NRXN1: variants seen among roughly 807,000 people sequenced by gnomAD.
NRXN1 encodes the protein neurexin-1.
A neutral mutation model predicts 150.9 loss-of-function variants in NRXN1; 39 were observed. The ratio of observed to expected loss-of-function variants is 0.26; its 90% confidence interval spans 0.20 to 0.34. The LOEUF (loss-of-function observed/expected upper bound fraction) is 0.34, where lower values mean the gene tolerates loss of function less well. Ranked by LOEUF, NRXN1 falls within the 10% of genes least tolerant of loss-of-function variation. The pLI is 1.00. For synonymous variants in NRXN1, 924 were observed against 757.0 expected, an observed-to-expected ratio of 1.22 and a Z score of -3.62; for missense variants, 1,815 against 1,949.9, an observed-to-expected ratio of 0.93 and a Z score of 1.30.
At chr2:50,738,818 A>C (rs1699078526) in intron 5 of NRXN1, among the ~76,000 whole-genome samples, 1 of 152,172 alleles carries the variant, frequency 6.6e-6, no homozygotes, top group Non-Finnish European at 1.5e-5. Flanking sequence ...ACGATGTTAA[A>C]AGGCAAGAAC....
intron 17 of NRXN1, among the ~76,000 whole-genome samples, chr2:50,278,342 A>G (rs2070934113): frequency 7.2e-6 from 1 of 138,730 alleles, no homozygotes; most frequent in Non-Finnish European, 1.5e-5. Context: ...TTTAGTAGAG[A>G]TGGGGTTTCA....
At chr2:50,837,801 T>C (rs1672318309) in intron 5 of NRXN1, among the ~76,000 whole-genome samples, 1 of 152,082 alleles carries the variant, frequency 6.6e-6, no homozygotes, top group African/African-American at 2.4e-5. Flanking sequence ...TTCATGAAAA[T>C]GCAGTATTCC....
At chr2:50,916,407 G>A (rs1254148721) in intron 5 of NRXN1, among the ~76,000 whole-genome samples, 2 of 151,268 alleles carry the variant, frequency 1.3e-5, no homozygotes. Flanking sequence ...AAATTACATT[G>A]TTTTTTAACC....
At chr2:50,164,180 A>G (rs188793337) in intron 18 of NRXN1, among the ~76,000 whole-genome samples, 1 of 152,320 alleles carries the variant, frequency 6.6e-6, no homozygotes, top group East Asian at 1.9e-4. Flanking sequence ...AATAAATTAG[A>G]TACATTTAAA....
intron 2 of NRXN1, among the ~76,000 whole-genome samples, chr2:50,928,619 T>C (rs769746654): frequency 1.6e-4 from 24 of 152,214 alleles, no homozygotes; most frequent in Non-Finnish European, 3.1e-4. Flanking sequence ...ATTTTTTCTT[T>C]ATCTTTGTAA....
chr2:49,996,770 C>T (rs946097441), intron 21 of NRXN1, among the ~76,000 whole-genome samples: 9 of 152,164 alleles, frequency 5.9e-5, no homozygotes, highest in Non-Finnish European at 1.3e-4. Context: ...CTGCCCTGCC[C>T]ATCCATGCTA....
At chr2:50,264,465 G>A (rs914902972) in intron 17 of NRXN1, among the ~76,000 whole-genome samples, 5 of 151,972 alleles carry the variant, frequency 3.3e-5, no homozygotes, top group African/African-American at 1.2e-4. Flanking sequence ...GTAAATTACG[G>A]TCAGATGGGT....
At chr2:50,062,758 C>T (rs552197771) in intron 19 of NRXN1, among the ~76,000 whole-genome samples, 1 of 152,242 alleles carries the variant, frequency 6.6e-6, no homozygotes, top group Admixed American at 6.5e-5. Context: ...TATAGTTTTT[C>T]TCCTTTCATT....
chr2:50,108,688 G>A (rs938662537), intron 18 of NRXN1, among the ~76,000 whole-genome samples: 4 of 152,028 alleles, frequency 2.6e-5, no homozygotes, highest in African/African-American at 7.2e-5. Flanking sequence ...AGAACAATCC[G>A]TTGCATGATA....
intron 21 of NRXN1, among the ~76,000 whole-genome samples, chr2:50,051,550 A>G (rs925615508): frequency 6.6e-6 from 1 of 152,132 alleles, no homozygotes; most frequent in African/African-American, 2.4e-5. Context: ...AGTGAACCAT[A>G]AATCTACAGC....
At chr2:50,311,023 T>G (rs888084136) in intron 17 of NRXN1, among the ~76,000 whole-genome samples, 5 of 152,184 alleles carry the variant, frequency 3.3e-5, no homozygotes, top group Admixed American at 1.3e-4. Flanking sequence ...AAAGGCCGCA[T>G]GACTATTAAA....
chr2:50,189,916 G>A (rs558214768), intron 18 of NRXN1, among the ~76,000 whole-genome samples: 4 of 152,146 alleles, frequency 2.6e-5, no homozygotes, highest in Non-Finnish European at 4.4e-5. Flanking sequence ...CTCAGATGAA[G>A]TATTCTGATT....
intron 2 of NRXN1, among the ~76,000 whole-genome samples, chr2:51,024,970 G>A (rs1373651290): frequency 1.3e-5 from 2 of 152,046 alleles, no homozygotes; most frequent in South Asian, 2.1e-4. Context: ...TCTATCCCTA[G>A]CCATTAATAC....
chr2:50,390,041 C>T (rs17040542), intron 17 of NRXN1, among the ~76,000 whole-genome samples: 24,389 of 152,120 alleles, frequency 0.16, 3,543 homozygotes, highest in African/African-American at 0.36. Flanking sequence ...ATTTTATATA[C>T]TTTCTTCGTC....
At chr2:50,238,079 C>T (rs111626088) in intron 17 of NRXN1, among the ~76,000 whole-genome samples, 119 of 152,114 alleles carry the variant, frequency 7.8e-4, no homozygotes, top group African/African-American at 2.9e-3. Context: ...GTCAATTAAA[C>T]CTCTTTTCTT....
At chr2:50,704,454 C>CA (rs1559146609) in intron 5 of NRXN1, among the ~76,000 whole-genome samples, 2 of 151,528 alleles carry the variant, frequency 1.3e-5, no homozygotes, top group South Asian at 2.1e-4. Context: ...AGGATATTTG[C>CA]AAAAATATTT....
chr2:50,263,936 C>T (rs541706175), intron 17 of NRXN1, among the ~76,000 whole-genome samples: 2 of 152,042 alleles, frequency 1.3e-5, no homozygotes, highest in East Asian at 1.9e-4. Flanking sequence ...CAAGTGACAT[C>T]GTGTGAAATC....
intron 5 of NRXN1, among the ~76,000 whole-genome samples, chr2:50,813,304 T>C (rs191202295): frequency 6.6e-6 from 1 of 152,228 alleles, no homozygotes; most frequent in Admixed American, 6.5e-5. Context: ...TTTTTTGTTA[T>C]CTTTTAGATC....
intron 5 of NRXN1, among the ~76,000 whole-genome samples, chr2:50,816,623 C>T (rs1165372955): frequency 1.3e-5 from 2 of 152,004 alleles, no homozygotes; most frequent in African/African-American, 2.4e-5. Flanking sequence ...GGTGAAGGGC[C>T]TGTATCTTCA....
Sources: gnomAD v4.1 joint callset for allele counts (sites outside exome capture counted in the v4.1 genomes callset) on GRCh38, gnomAD v4.1.1 for gene constraint, MANE v1.5 for transcripts, NCBI Gene and HGNC (gene_info 2026-07-23, HGNC 2026-07-21) for gene names.